The following DIP2C variants were observed in gnomAD, a reference collection of about 807,000 sequenced individuals.
The protein encoded by DIP2C is disco-interacting protein 2 homolog C.
Under a neutral mutation model 192.4 loss-of-function variants are expected in DIP2C, and 33 were observed. The ratio of observed to expected loss-of-function variants is 0.17; its 90% CI spans 0.13 to 0.23. The LOEUF (loss-of-function observed/expected upper bound fraction) is 0.23, where lower values mean the gene tolerates loss of function less well. DIP2C is among the 10% of genes least tolerant of loss of function. The pLI, the probability that DIP2C is intolerant of heterozygous loss-of-function variation, is 1.00. For synonymous variants in DIP2C, 979 were observed against 864.1 expected, an observed-to-expected ratio of 1.13 and a Z score of -2.33; for missense variants, 1,537 against 2,110.1, an observed-to-expected ratio of 0.73 and a Z score of 5.32.
chr10:459,688 C>G (rs116289137), intron 3 of DIP2C, among the ~76,000 whole-genome samples: 23 of 150,016 alleles, frequency 1.5e-4, no homozygotes, highest in Middle Eastern at 3.5e-3. Flanking sequence ...GCGTGCTGCA[C>G]GTGGGCTCTA....
chr10:307,092 TC>T (rs1956359546), intron 32 of DIP2C, among the ~76,000 whole-genome samples: 1 of 152,116 alleles, frequency 6.6e-6, no homozygotes, highest in African/African-American at 2.4e-5. Context: ...GGCCCCTCTT[TC>T]CCTCCACCAT....
chr10:591,118 GT>G lies in DIP2C; in HGVS notation c.85+98375del, dbSNP rs879406394. ...GATAACAGTCAGGTTTCCATTACTG[GT>G]TTTTTTTGTTTTGTTTTTTTTAGAT... On this transcript the variant is annotated intron_variant, in intron 1 of 36. Transcript: ENST00000280886. Among the ~76,000 whole-genome samples, 130 of 150,358 alleles carry G rather than the reference GT, an allele frequency of 8.6e-4. 1 individual carries two copies. Among genetic ancestry groups the G allele is most frequent in the Non-Finnish European group, 1.3e-3 (91 of 67,962 alleles).
chr10:390,668 G>T (rs1589684800), intron 11 of DIP2C, 72 bp downstream of exon 11: 1 of 1,561,794 alleles, frequency 6.4e-7, no homozygotes, highest in South Asian at 1.2e-5. Flanking sequence ...CCGAGGCGGG[G>T]TGACGTATTC....
chr10:579,364 CA>C (rs1850418067), intron 1 of DIP2C, among the ~76,000 whole-genome samples: 1 of 151,494 alleles, frequency 6.6e-6, no homozygotes, highest in Non-Finnish European at 1.5e-5. Context: ...ATGTAGTGTA[CA>C]AACAAGTTCA....
At chr10:304,761 TA>T (rs1161009903) in intron 32 of DIP2C, among the ~76,000 whole-genome samples, 1 of 151,448 alleles carries the variant, frequency 6.6e-6, no homozygotes, top group Non-Finnish European at 1.5e-5. Flanking sequence ...CATAAAACAG[TA>T]CACTACACTC....
At chr10:416,834 G>A (rs1383078743) in intron 6 of DIP2C, among the ~76,000 whole-genome samples, 1 of 152,174 alleles carries the variant, frequency 6.6e-6, no homozygotes, top group Admixed American at 6.5e-5. Flanking sequence ...CTGTGGGCTT[G>A]GACGGTGCAG....
At chr10:432,793 C>G (rs1966881277) in intron 4 of DIP2C, among the ~76,000 whole-genome samples, 1 of 152,102 alleles carries the variant, frequency 6.6e-6, no homozygotes, top group Non-Finnish European at 1.5e-5. Context: ...CTATAAATTT[C>G]CCTATAAACA....
intron 2 of DIP2C, among the ~76,000 whole-genome samples, chr10:475,807 C>G (rs932678674): frequency 2.0e-5 from 3 of 152,154 alleles, no homozygotes; most frequent in Non-Finnish European, 2.9e-5. Context: ...AAGAAAAAAG[C>G]CACAAATAGG....
intron 1 of DIP2C, among the ~76,000 whole-genome samples, chr10:542,209 G>A (rs117202264): frequency 8.5e-5 from 13 of 152,278 alleles, no homozygotes; most frequent in Non-Finnish European, 1.5e-4. Flanking sequence ...TCTGCTCCCT[G>A]CCTGCCTCTG....
chr10:456,766 C>T (rs1000615033), intron 3 of DIP2C, among the ~76,000 whole-genome samples: 1 of 152,234 alleles, frequency 6.6e-6, no homozygotes, highest in Non-Finnish European at 1.5e-5. Flanking sequence ...TGTTCCCTTC[C>T]ACGACGATTT....
chr10:294,020 A>C (rs921672432), intron 32 of DIP2C, among the ~76,000 whole-genome samples: 2 of 152,236 alleles, frequency 1.3e-5, no homozygotes, highest in Admixed American at 1.3e-4. Context: ...ATGAAGTACC[A>C]AAGCATACTT....
At chr10:684,525 A>T (rs780284659) in intron 1 of DIP2C, among the ~76,000 whole-genome samples, 3 of 152,214 alleles carry the variant, frequency 2.0e-5, no homozygotes, top group Admixed American at 6.5e-5. Context: ...AATAATGTGT[A>T]CAGAGTCCTC....
At position 363,367 on chromosome 10, in the gene DIP2C, C is replaced by T. The variant is rs1959771662; in HGVS notation, c.2478-56G>A. ...CGCCGGGGACGCTCATGCAGCCCTC[C>T]CTCCGCCATCAGGGGCTCCATAACC... On this transcript the variant is annotated intron_variant, in intron 20 of 36. Coordinates refer to ENST00000280886, the MANE Select transcript of DIP2C (RefSeq NM_014974.3). The surrounding 1 kb of genome is among the most constrained non-coding windows in gnomAD (Gnocchi z 5.4). 3 of 1,486,990 alleles carry T rather than the reference C, an allele frequency of 2.0e-6. No individual in the cohort carries two copies. The highest frequency in any genetic ancestry group is 2.3e-5 in the South Asian group (2 of 87,182). 92.1% of individuals were successfully genotyped at this position (1,486,990 alleles called of 1,614,324 possible).
chr10:618,693 G>A (rs991097764), intron 1 of DIP2C, among the ~76,000 whole-genome samples: 7 of 152,168 alleles, frequency 4.6e-5, no homozygotes, highest in South Asian at 2.1e-4. Flanking sequence ...CTCTGAAACC[G>A]TGGAATAATT....
intron 1 of DIP2C, chr10:669,503 G>C (rs112315936): frequency 6.6e-6 from 1 of 152,174 alleles, no homozygotes; most frequent in Non-Finnish European, 1.5e-5. Context: ...TTATGAAGAT[G>C]AGCCGAAAAA....
rs1336176508 is a variant in DIP2C at position 464,679 on chromosome 10, CG to C, written c.268+7759del. 3.3e-5 allele frequency among the ~76,000 whole-genome samples: 5 copies of C among 152,168 alleles called. No homozygotes were observed. The South Asian group carries it at 8.3e-4, about 25-fold the overall frequency. On this transcript the variant is annotated intron_variant, in intron 3 of 36. Coordinates refer to ENST00000280886, the MANE Select transcript of DIP2C (RefSeq NM_014974.3). ...ATGATACTATAAAGACACATACAAA[CG>C]TATGTTTATTGCAGCACTGTTCACA... is the stretch of plus-strand genomic sequence containing the variant.
chr10:624,968 T>C (rs1222698945), intron 1 of DIP2C, among the ~76,000 whole-genome samples: 1 of 152,186 alleles, frequency 6.6e-6, no homozygotes, highest in African/African-American at 2.4e-5. Flanking sequence ...CACCCACAGC[T>C]GCAGGCCTGG....
chr10:400,577 A>G (rs564812238), intron 9 of DIP2C, among the ~76,000 whole-genome samples: 1 of 150,954 alleles, frequency 6.6e-6, no homozygotes, highest in African/African-American at 2.4e-5. Context: ...CATTAGCATT[A>G]CTCTTCCTTA....
At chr10:672,174 GGAAACACCACAGACACACGGACGAAA>G (rs1406337647) in intron 1 of DIP2C, among the ~76,000 whole-genome samples, 2 of 150,332 alleles carry the variant, frequency 1.3e-5, no homozygotes, top group Admixed American at 6.6e-5. Flanking sequence ...CATGGACGGA[GGAAACACCACAGACACACGGACGAAA>G]GAAACACCAC....
Sources: allele counts gnomAD v4.1 joint callset (sites outside exome capture counted in the v4.1 genomes callset), GRCh38; gene constraint gnomAD v4.1.1; non-coding constraint Gnocchi (gnomAD v3.1); transcripts MANE v1.5; gene names NCBI Gene and HGNC (gene_info 2026-07-23, HGNC 2026-07-21).